The following IDE variants were observed in gnomAD, a reference collection of about 807,000 sequenced individuals.
IDE encodes insulin-degrading enzyme.
IDE carries 58 observed loss-of-function variants against 133.2 expected under a neutral mutation model. The ratio of observed to expected loss-of-function variants is 0.44; its 90% confidence interval spans 0.35 to 0.54. IDE has a LOEUF of 0.54. IDE is among the 20% of genes least tolerant of loss of function. IDE has a pLI of 0.00. For synonymous variants in IDE, 396 were observed against 421.3 expected (o/e 0.94, Z 0.73); for missense variants, 981 against 1,234.0 (o/e 0.79, Z 3.07).
intron 1 of IDE, among the ~76,000 whole-genome samples, chr10:92,542,076 T>C (rs1171050293): frequency 1.3e-5 from 2 of 152,246 alleles, no homozygotes; most frequent in African/African-American, 4.8e-5. Flanking sequence ...GGCATCACAC[T>C]ATGCAAATGG....
At chr10:92,534,510 A>G in intron 3 of IDE, 68 bp downstream of exon 3, 1 of 894,366 alleles carries the variant, frequency 1.1e-6, no homozygotes, top group Non-Finnish European at 1.8e-6. Context: ...CTCTGTGGAA[A>G]TAATAATTAT....
At chr10:92,487,400 A>C in intron 12 of IDE, 82 bp from the exon 13 acceptor site, 1 of 1,146,254 alleles carries the variant, frequency 8.7e-7, no homozygotes, top group Non-Finnish European at 1.2e-6. Context: ...ATATATGGGC[A>C]AATATTAAGT....
chr10:92,509,539 G>A (rs1233993560), intron 6 of IDE, among the ~76,000 whole-genome samples: 2 of 152,088 alleles, frequency 1.3e-5, no homozygotes, highest in African/African-American at 4.8e-5. Context: ...GTTGCAGGGA[G>A]CCACGATCGC....
chr10:92,467,912 T>G (rs1255623624), intron 19 of IDE, among the ~76,000 whole-genome samples: 1 of 152,214 alleles, frequency 6.6e-6, no homozygotes, highest in African/African-American at 2.4e-5. Context: ...CTTTAGAAGC[T>G]ACTCAAATGA....
intron 1 of IDE, among the ~76,000 whole-genome samples, chr10:92,572,697 C>T (rs1314328127): frequency 6.6e-6 from 1 of 152,172 alleles, no homozygotes; most frequent in Admixed American, 6.6e-5. Flanking sequence ...GGACTTGTGT[C>T]CTTCTAATTA....
intron 6 of IDE, among the ~76,000 whole-genome samples, chr10:92,509,733 C>T (rs1395455934): frequency 6.6e-6 from 1 of 152,066 alleles, no homozygotes; most frequent in Non-Finnish European, 1.5e-5. Flanking sequence ...TCAGTCAAGG[C>T]AACATGGTGA....
At chr10:92,533,319 A>C (rs769098466) in intron 3 of IDE, among the ~76,000 whole-genome samples, 1 of 152,176 alleles carries the variant, frequency 6.6e-6, no homozygotes, top group Non-Finnish European at 1.5e-5. Context: ...CTGGGAATAC[A>C]TATTAGCGAT....
intron 13 of IDE, among the ~76,000 whole-genome samples, chr10:92,484,622 A>G (rs1170932620): frequency 6.6e-6 from 1 of 151,566 alleles, no homozygotes; most frequent in Non-Finnish European, 1.5e-5. Context: ...AATCCCAGTT[A>G]CTTAGGAGGC....
chr10:92,521,744 T>C (rs1435609293), intron 4 of IDE, among the ~76,000 whole-genome samples: 1 of 152,096 alleles, frequency 6.6e-6, no homozygotes, highest in Non-Finnish European at 1.5e-5. Context: ...TAATATGTAA[T>C]ACTTATTTGG....
At chr10:92,553,721 T>C (rs1393736725) in intron 1 of IDE, among the ~76,000 whole-genome samples, 1 of 152,172 alleles carries the variant, frequency 6.6e-6, no homozygotes, top group East Asian at 1.9e-4. Context: ...TGCCAATAAA[T>C]TGAAAAATCT....
intron 4 of IDE, among the ~76,000 whole-genome samples, chr10:92,529,019 G>C (rs1201340336): frequency 6.6e-6 from 1 of 152,144 alleles, no homozygotes; most frequent in African/African-American, 2.4e-5. Flanking sequence ...AGAGGTTGCA[G>C]TGAGCCAAGA....
chr10:92,510,675 A>G (rs1198599828), intron 5 of IDE, among the ~76,000 whole-genome samples: 7 of 150,896 alleles, frequency 4.6e-5, no homozygotes, highest in South Asian at 2.1e-4. Flanking sequence ...CATCTCACAT[A>G]TATGATATAT....
intron 12 of IDE, among the ~76,000 whole-genome samples, chr10:92,489,106 G>C (rs1176333716): frequency 6.6e-6 from 1 of 152,044 alleles, no homozygotes; most frequent in African/African-American, 2.4e-5. Context: ...AGATTTTACG[G>C]TTCTTAGTTC....
At chr10:92,459,248 A>G (rs1251548772) in intron 22 of IDE, among the ~76,000 whole-genome samples, 2 of 152,246 alleles carry the variant, frequency 1.3e-5, no homozygotes, top group Non-Finnish European at 2.9e-5. Flanking sequence ...AGAAACTATC[A>G]GCACCTTTGG....
At chr10:92,500,611 T>G (rs898390758) in intron 11 of IDE, among the ~76,000 whole-genome samples, 2 of 152,204 alleles carry the variant, frequency 1.3e-5, no homozygotes, top group African/African-American at 4.8e-5. Context: ...TGACCATGTA[T>G]GTGTGGAACT....
chr10:92,491,167 G>GT (rs1336122758), intron 11 of IDE, among the ~76,000 whole-genome samples: 1 of 151,708 alleles, frequency 6.6e-6, no homozygotes, highest in Non-Finnish European at 1.5e-5. Flanking sequence ...GAGCCCAGGA[G>GT]TTTGAGGCTG....
At chr10:92,475,332 A>G (rs1043855092) in intron 16 of IDE, among the ~76,000 whole-genome samples, 1 of 152,224 alleles carries the variant, frequency 6.6e-6, no homozygotes, top group Non-Finnish European at 1.5e-5. Context: ...ATAAATAGGT[A>G]GCCATATAAA....
At position 92,490,570 on chromosome 10, in the gene IDE, C is replaced by T; in HGVS notation, c.1456G>A (p.Glu486Lys). Residue 486 changes from glutamate (E) to lysine (K), a missense_variant, in exon 12 of 25, where the codon GAA (glutamate) becomes AAA (lysine). By Grantham distance (56) the Glu-to-Lys change is moderately conservative. Around this residue, in one of 2 missense-constraint regions of IDE, gnomAD observed 660 missense variants for 894.7 expected, o/e 0.74. Coordinates refer to ENST00000265986, the MANE Select transcript of IDE (RefSeq NM_004969.4). ...VRVAIVSKSF[E>K]GKTDRTEEWY... ...TCTTCTGTGCGATCAGTTTTTCCTTCAAAAGATTTAGAAACTATGGCAACC... is the reference window on the plus strand; with the variant it reads ...TCTTCTGTGCGATCAGTTTTTCCTTTAAAAGATTTAGAAACTATGGCAACC... The T allele has an allele frequency of 6.2e-7, 1 of 1,611,952 alleles. No individual in the cohort carries two copies. Among genetic ancestry groups the T allele is most frequent in the Non-Finnish European group, 8.5e-7 (1 of 1,178,270 alleles).
intron 4 of IDE, among the ~76,000 whole-genome samples, chr10:92,531,400 G>C (rs1357197095): frequency 6.6e-6 from 1 of 152,150 alleles, no homozygotes; most frequent in Non-Finnish European, 1.5e-5. Flanking sequence ...ATGAGGACAA[G>C]TGGATTCAAC....
Sources: gnomAD v4.1 joint callset for allele counts (sites outside exome capture counted in the v4.1 genomes callset) on GRCh38, gnomAD v4.1.1 for gene constraint, gnomAD v4.1.1 regional missense constraint, MANE v1.5 for transcripts, NCBI Gene and HGNC (gene_info 2026-07-23, HGNC 2026-07-21) for gene names.